Variants in RERE observed in about 807,000 individuals in gnomAD.
The protein encoded by RERE is arginine-glutamic acid dipeptide repeats, also known as arginine-glutamic acid dipeptide repeats protein.
Under a neutral mutation model 146.1 loss-of-function variants are expected in RERE, and 40 were observed. That is an observed-to-expected ratio of 0.27 (90% CI 0.21 to 0.36). RERE has a LOEUF of 0.36. Ranked by LOEUF, RERE falls within the 10% of genes least tolerant of loss-of-function variation. The pLI, the probability that RERE is intolerant of heterozygous loss-of-function variation, is 1.00. For synonymous variants in RERE, 1,003 were observed against 866.0 expected, an observed-to-expected ratio of 1.16 and a Z score of -2.78; for missense variants, 1,933 against 2,138.7, an observed-to-expected ratio of 0.90 and a Z score of 1.90.
intron 4 of RERE, among the ~76,000 whole-genome samples, chr1:8,579,934 G>A (rs1646343041): frequency 6.6e-6 from 1 of 152,232 alleles, no homozygotes; most frequent in African/African-American, 2.4e-5. Flanking sequence ...ACCCTGGGAG[G>A]TGGAGGTTGC....
intron 1 of RERE, among the ~76,000 whole-genome samples, chr1:8,752,057 G>A (rs1005179516): frequency 4.6e-5 from 7 of 151,424 alleles, no homozygotes; most frequent in Admixed American, 3.3e-4. Flanking sequence ...CCTTCATAAC[G>A]GCCATTCAAG....
intron 6 of RERE, 92 bp downstream of exon 6, chr1:8,556,383 A>G: frequency 1.3e-6 from 1 of 782,498 alleles, no homozygotes; most frequent in East Asian, 2.5e-5. Flanking sequence ...TGATTAATAC[A>G]GTGACTACTA....
intron 11 of RERE, among the ~76,000 whole-genome samples, chr1:8,441,491 C>G (rs956996343): frequency 1.2e-4 from 19 of 152,214 alleles, no homozygotes; most frequent in African/African-American, 4.6e-4. Flanking sequence ...AACATTGACA[C>G]TGGTGCTGAC....
At chr1:8,547,712 A>G (rs1410614927) in intron 6 of RERE, among the ~76,000 whole-genome samples, 1 of 152,238 alleles carries the variant, frequency 6.6e-6, no homozygotes, top group Non-Finnish European at 1.5e-5. Flanking sequence ...AAAAATTTAA[A>G]AAGACAAAAC....
chr1:8,793,189 A>G (rs568047653), intron 1 of RERE, among the ~76,000 whole-genome samples: 1 of 151,358 alleles, frequency 6.6e-6, no homozygotes, highest in Admixed American at 6.6e-5. Flanking sequence ...AAAGAAAGAA[A>G]GAAAGAAGGC....
chr1:8,542,518 T>C (rs1293622622), intron 6 of RERE, among the ~76,000 whole-genome samples: 4 of 152,122 alleles, frequency 2.6e-5, no homozygotes, highest in African/African-American at 9.7e-5. Flanking sequence ...AGGGCTTAAG[T>C]ACCTGTAACC....
At chr1:8,691,142 C>T (rs1364454386) in intron 1 of RERE, among the ~76,000 whole-genome samples, 4 of 152,218 alleles carry the variant, frequency 2.6e-5, no homozygotes, top group East Asian at 3.9e-4. Flanking sequence ...GTGATCTGCC[C>T]GCCTCCACCT....
chr1:8,429,607 T>G (rs1222179936), intron 11 of RERE, among the ~76,000 whole-genome samples: 1 of 152,202 alleles, frequency 6.6e-6, no homozygotes, highest in Admixed American at 6.5e-5. Context: ...AACCCCTGGC[T>G]GAGAGCTTTC....
intron 12 of RERE, among the ~76,000 whole-genome samples, chr1:8,402,823 T>C (rs1643309013): frequency 6.6e-6 from 1 of 152,192 alleles, no homozygotes; most frequent in Non-Finnish European, 1.5e-5. Context: ...GTTAATTAAA[T>C]ATCAGGTATA....
At chr1:8,689,899 T>A (rs1639173787) in intron 1 of RERE, among the ~76,000 whole-genome samples, 1 of 152,098 alleles carries the variant, frequency 6.6e-6, no homozygotes, top group Non-Finnish European at 1.5e-5. Flanking sequence ...GAGGCTAACA[T>A]CTGTTCTGCC....
chr1:8,355,923 C>T (rs1570012120), intron 21 of RERE, among the ~76,000 whole-genome samples, 177 bp downstream of exon 21: 1 of 152,148 alleles, frequency 6.6e-6, no homozygotes, highest in Admixed American at 6.5e-5. Context: ...ACCCCTACCC[C>T]AGACAGCCCC....
intron 3 of RERE, among the ~76,000 whole-genome samples, chr1:8,617,095 A>T (rs1382780656): frequency 3.3e-5 from 5 of 152,140 alleles, no homozygotes; most frequent in Non-Finnish European, 7.4e-5. Flanking sequence ...CTGTAATCCC[A>T]ACACTTTGGG....
At chr1:8,389,854 C>CT (rs1642823075) in intron 12 of RERE, among the ~76,000 whole-genome samples, 1 of 152,186 alleles carries the variant, frequency 6.6e-6, no homozygotes, top group Non-Finnish European at 1.5e-5. Context: ...AATGACGACC[C>CT]TGTCTCTTAA....
chr1:8,763,812 G>A (rs893675955), intron 1 of RERE, among the ~76,000 whole-genome samples: 2 of 151,192 alleles, frequency 1.3e-5, no homozygotes, highest in South Asian at 2.1e-4. Context: ...GGTGGCATGC[G>A]CACCTGTAGT....
At chr1:8,559,280 CA>C (rs548075266) in intron 4 of RERE, among the ~76,000 whole-genome samples, 272 of 12,068 alleles carry the variant, frequency 0.023, 5 homozygotes, top group Admixed American at 0.066. Context: ...AACTCCAGCT[CA>C]AAAAAAAAAA....
At chr1:8,611,207 C>A (rs1646789317) in intron 4 of RERE, among the ~76,000 whole-genome samples, 1 of 147,540 alleles carries the variant, frequency 6.8e-6, no homozygotes, top group African/African-American at 2.5e-5. Flanking sequence ...AAAACAACAA[C>A]AACAAAACAT....
chr1:8,696,122 C>A (rs1435501019), intron 1 of RERE, among the ~76,000 whole-genome samples: 1 of 152,168 alleles, frequency 6.6e-6, no homozygotes, highest in Non-Finnish European at 1.5e-5. Flanking sequence ...CAGTTATACA[C>A]TGTTGGTGGG....
At chr1:8,355,329 G>A (rs1361902118) in intron 22 of RERE, 90 bp downstream of exon 22, 4 of 1,415,162 alleles carry the variant, frequency 2.8e-6, no homozygotes, top group Non-Finnish European at 3.9e-6. Context: ...CCAGCAGGCA[G>A]AGGGGGAGGA....
At chr1:8,588,317 G>A (rs1646452343) in intron 4 of RERE, among the ~76,000 whole-genome samples, 1 of 152,136 alleles carries the variant, frequency 6.6e-6, no homozygotes, top group South Asian at 2.1e-4. Context: ...ACATATTCTA[G>A]CAGGCCTTCT....
Sources: allele counts gnomAD v4.1 joint callset (sites outside exome capture counted in the v4.1 genomes callset), GRCh38; gene constraint gnomAD v4.1.1; transcripts MANE v1.5; gene names NCBI Gene and HGNC (gene_info 2026-07-23, HGNC 2026-07-21).